The following CNKSR2 variants were observed in gnomAD, a reference collection of about 807,000 sequenced individuals.
CNKSR2 encodes the protein CNK homolog protein 2.
CNKSR2 carries 14 observed loss-of-function variants against 84.4 expected under a neutral mutation model. That is an observed-to-expected ratio of 0.17 (90% CI 0.11 to 0.26). The LOEUF (loss-of-function observed/expected upper bound fraction) is 0.26. CNKSR2 is among the 10% of genes least tolerant of loss of function. CNKSR2 has a pLI of 1.00. For missense variants in CNKSR2, 485 were observed against 771.2 expected (o/e 0.63, Z 4.40); for synonymous variants, 275 against 277.9 (o/e 0.99, Z 0.10).
chrX:21,601,266 A>G lies in CNKSR2; in HGVS notation c.1977-16A>G, dbSNP rs766152067. Reference sequence around the variant, plus strand: ...TTAGGTTACAATGTTATTGATTTTAATATTTGTTTTCTCAGGTGGCTTAAC... The same window carrying G: ...TTAGGTTACAATGTTATTGATTTTAGTATTTGTTTTCTCAGGTGGCTTAAC... On this transcript the variant is annotated splice_polypyrimidine_tract_variant and intron_variant, in intron 17 of 21. Coordinates refer to ENST00000379510, the MANE Select transcript of CNKSR2 (RefSeq NM_014927.5). 1.1e-5 allele frequency: 12 copies of G among 1,047,644 alleles called. No homozygotes were observed. The highest frequency in any genetic ancestry group is 1.9e-5 in the African/African-American group (1 of 53,808). 86.3% of individuals were successfully genotyped at this position (1,047,644 alleles called of 1,213,427 possible).
chrX:21,449,683 C>G (rs771168348), intron 4 of CNKSR2, among the ~76,000 whole-genome samples: 4 of 111,466 alleles, frequency 3.6e-5, no homozygotes, highest in Non-Finnish European at 7.5e-5. Flanking sequence ...TAGCTTTACT[C>G]TATGTCCTAT....
chrX:21,649,586 T>A (rs1412044991), intron 21 of CNKSR2, among the ~76,000 whole-genome samples: 2 of 112,069 alleles, frequency 1.8e-5, no homozygotes, highest in African/African-American at 6.5e-5. Context: ...CTGTAAGTGT[T>A]TACATTGCCT....
At chrX:21,589,975 G>C (rs752466728) in intron 13 of CNKSR2, among the ~76,000 whole-genome samples, 1 of 111,029 alleles carries the variant, frequency 9.0e-6, no homozygotes, top group Non-Finnish European at 1.9e-5. Flanking sequence ...TGATTATGGG[G>C]GTAGGTAGCT....
At chrX:21,481,770 G>A (rs1024910341) in intron 5 of CNKSR2, among the ~76,000 whole-genome samples, 3 of 111,939 alleles carry the variant, frequency 2.7e-5, no homozygotes, top group African/African-American at 9.7e-5. Flanking sequence ...GGCCTGTGTA[G>A]GGAGTCACGC....
chrX:21,595,264 A>AT (rs1262468186), intron 16 of CNKSR2, 60 bp from the exon 17 acceptor site: 4 of 918,029 alleles, frequency 4.4e-6, no homozygotes, highest in Non-Finnish European at 6.3e-6. Flanking sequence ...GCCCGTCAGA[A>AT]TTATTTGGTT....
intron 1 of CNKSR2, among the ~76,000 whole-genome samples, chrX:21,376,827 A>G (rs1312510521): frequency 9.0e-6 from 1 of 111,362 alleles, no homozygotes. Context: ...AGTGCTGCAT[A>G]CTCAGTCTCC....
chrX:21,586,472 G>T (rs189853027), intron 13 of CNKSR2, among the ~76,000 whole-genome samples: 38 of 111,683 alleles, frequency 3.4e-4, no homozygotes, highest in Admixed American at 3.1e-3. Context: ...AATGGAGGCA[G>T]AGACAGCAAG....
At chrX:21,416,265 A>G (rs2090421421) in intron 1 of CNKSR2, among the ~76,000 whole-genome samples, 1 of 112,072 alleles carries the variant, frequency 8.9e-6, no homozygotes, top group Non-Finnish European at 1.9e-5. Context: ...CATATGTTGA[A>G]CAAGTCTTGC....
chrX:21,374,615 A>AGCAGCAGCAGCAGCCGCCGCCGCC lies in CNKSR2; in HGVS notation c.-269_-268insCGCCGCCGCCGCAGCAGCAGCAGC. 1 of 505,900 alleles carries AGCAGCAGCAGCAGCCGCCGCCGCC rather than the reference A, an allele frequency of 2.0e-6. No homozygotes were observed. Among genetic ancestry groups the AGCAGCAGCAGCAGCCGCCGCCGCC allele is most frequent in the Non-Finnish European group, 3.5e-6 (1 of 288,360 alleles). 41.7% of individuals were successfully genotyped at this position (505,900 alleles called of 1,213,427 possible). ...CGGAGGCAGCAGCAGCAGCAGCAGC[A>AGCAGCAGCAGCAGCCGCCGCCGCC]GCAGCAGCAGCAGCAGCCGCCGCCG... is the stretch of plus-strand genomic sequence containing the variant. On this transcript the variant is annotated 5_prime_UTR_variant, in exon 1 of 22. Transcript: ENST00000379510.
intron 1 of CNKSR2, among the ~76,000 whole-genome samples, chrX:21,408,147 A>G (rs184741604): frequency 9.9e-4 from 111 of 111,936 alleles, no homozygotes; most frequent in Middle Eastern, 9.2e-3. Flanking sequence ...AGAAATGTCT[A>G]CCAATATTTT....
chrX:21,618,853 G>A (rs753362252), intron 20 of CNKSR2, among the ~76,000 whole-genome samples: 2 of 111,643 alleles, frequency 1.8e-5, no homozygotes, highest in African/African-American at 3.2e-5. Context: ...AGCCTGTCTA[G>A]CTCTTCCATA....
chrX:21,432,821 T>G lies in CNKSR2; in HGVS notation c.431+7T>G. The G allele has an allele frequency of 8.3e-7, 1 of 1,204,425 alleles. No homozygotes were observed. On this transcript the variant is annotated splice_region_variant and intron_variant, in intron 3 of 21. Transcript: ENST00000379510. Reference sequence around the variant, plus strand: ...TGCTTGCCTGGTTGGACAGGTAAAGTCTTCCGCATGTTTCATAAGTATCCT... The same window carrying G: ...TGCTTGCCTGGTTGGACAGGTAAAGGCTTCCGCATGTTTCATAAGTATCCT...
At chrX:21,523,814 T>C (rs1010940328) in intron 9 of CNKSR2, among the ~76,000 whole-genome samples, 13 of 111,016 alleles carry the variant, frequency 1.2e-4, no homozygotes, top group Non-Finnish European at 3.8e-5. Context: ...TCATTTATTC[T>C]GTACTTGATT....
chrX:21,514,838 A>G (rs2091710814), intron 8 of CNKSR2, among the ~76,000 whole-genome samples: 1 of 111,178 alleles, frequency 9.0e-6, no homozygotes, highest in Admixed American at 9.6e-5. Context: ...CAAAGTGTGC[A>G]TTCATATTTT....
intron 13 of CNKSR2, among the ~76,000 whole-genome samples, chrX:21,585,762 T>C (rs2092383131): frequency 9.0e-6 from 1 of 111,240 alleles, no homozygotes; most frequent in South Asian, 3.8e-4. Context: ...GGAACATTCT[T>C]AGAAAGTTCG....
At chrX:21,384,242 A>C (rs1354635625) in intron 1 of CNKSR2, among the ~76,000 whole-genome samples, 1 of 111,309 alleles carries the variant, frequency 9.0e-6, no homozygotes, top group Non-Finnish European at 1.9e-5. Flanking sequence ...CTAGCATGAT[A>C]TGGCAGGGCT....
At chrX:21,567,508 G>A (rs749738861) in intron 13 of CNKSR2, among the ~76,000 whole-genome samples, 2 of 111,342 alleles carry the variant, frequency 1.8e-5, no homozygotes, top group East Asian at 2.8e-4. Context: ...CCCCACAGGG[G>A]CGAACAATGC....
chrX:21,402,034 T>C (rs1412450074), intron 1 of CNKSR2, among the ~76,000 whole-genome samples: 1 of 111,323 alleles, frequency 9.0e-6, no homozygotes, highest in Non-Finnish European at 1.9e-5. Flanking sequence ...CTCAAACATA[T>C]GGTCTCTCAA....
chrX:21,388,400 T>C (rs1257806918), intron 1 of CNKSR2, among the ~76,000 whole-genome samples: 1 of 111,616 alleles, frequency 9.0e-6, no homozygotes, highest in Non-Finnish European at 1.9e-5. Flanking sequence ...CATTTGAAAG[T>C]CATGAGTGAA....
Sources: gnomAD v4.1 joint callset for allele counts (sites outside exome capture counted in the v4.1 genomes callset) on GRCh38, gnomAD v4.1.1 for gene constraint, MANE v1.5 for transcripts, NCBI Gene and HGNC (gene_info 2026-07-23, HGNC 2026-07-21) for gene names.